The following SLC2A11 variants were observed in gnomAD, a reference collection of about 807,000 sequenced individuals.
SLC2A11 encodes the protein solute carrier family 2 member 11, also known as solute carrier family 2, facilitated glucose transporter member 11.
Under a neutral mutation model 52.1 loss-of-function variants are expected in SLC2A11, and 43 were observed. The ratio of observed to expected loss-of-function variants is 0.82; its 90% CI spans 0.65 to 1.06. The LOEUF (loss-of-function observed/expected upper bound fraction) is 1.06. SLC2A11 is among the 50% of genes least tolerant of loss of function. The pLI, the probability that SLC2A11 is intolerant of heterozygous loss-of-function variation, is 0.00. For missense variants in SLC2A11, 582 were observed against 654.2 expected, an observed-to-expected ratio of 0.89 and a Z score of 1.20; for synonymous variants, 261 against 277.6, an observed-to-expected ratio of 0.94 and a Z score of 0.59.
intron 2 of SLC2A11, among the ~76,000 whole-genome samples, chr22:23,864,608 T>C (rs1357295108): frequency 1.3e-5 from 2 of 151,806 alleles, no homozygotes; most frequent in African/African-American, 2.4e-5. Context: ...GGGTGATGCA[T>C]TGGTTTATTT....
chr22:23,861,290 CAAAAAAA>C lies in SLC2A11; in HGVS notation c.31-795_31-789del, dbSNP rs56138210. On this transcript the variant is annotated intron_variant, in intron 1 of 11. Transcript: ENST00000316185. ...ACTGCGCCAGGCCAAGACTCAGTCT[CAAAAAAA>C]AAAAAAAAAAAAAAAAAAGAAAATC... Among the ~76,000 whole-genome samples the C allele has an allele frequency of 9.9e-3, 352 of 35,604 alleles. 2 individuals carry two copies. The highest frequency in any genetic ancestry group is 0.034 in the African/African-American group (310 of 9,090). 23.4% of individuals were successfully genotyped at this position (35,604 alleles called of 152,430 possible). A position where few individuals can be genotyped will look rare whatever the true frequency, so the allele number is the denominator to read the frequency against.
At chr22:23,861,665 A>G (rs2032072912) in intron 1 of SLC2A11, among the ~76,000 whole-genome samples, 1 of 122,832 alleles carries the variant, frequency 8.1e-6, no homozygotes, top group Admixed American at 8.1e-5. Flanking sequence ...GGCTCAGCCC[A>G]GATTCCTGGA....
In SLC2A11 at chr22:23,868,593, G is replaced by A. The variant is rs1353487083; in HGVS notation, c.242G>A (p.Gly81Asp). ...ATCGTGTCTCTGTATCCCCTGGGAG[G>A]CCTCTTTGGAGCACTGCTTGCAGGT... ...SLIVSLYPLG[G>D]LFGALLAGPL... The change falls in exon 3 of 12, where the codon GGC (glycine) becomes GAC (aspartate). Residue 81 changes from glycine (G) to aspartate (D), a missense_variant. Physicochemically the swap from Gly to Asp is moderately conservative, Grantham distance 94. Transcript: ENST00000316185. The A allele has an allele frequency of 6.2e-7, 1 of 1,614,206 alleles. No individual in the cohort carries two copies. Among genetic ancestry groups the A allele is most frequent in the South Asian group, 1.1e-5 (1 of 91,086 alleles).
At chr22:23,882,699 G>C in intron 7 of SLC2A11, 53 bp downstream of exon 7, 1 of 1,606,070 alleles carries the variant, frequency 6.2e-7, no homozygotes, top group Non-Finnish European at 8.5e-7. Flanking sequence ...TGGTGTTGCA[G>C]GCCGCTGGGA....
rs759634530 is a variant in SLC2A11, at chr22:23,884,064, TAGA to T, written c.1171+43_1171+45del. On this transcript the variant is annotated intron_variant, in intron 10 of 11. Coordinates refer to ENST00000316185, the MANE Select transcript of SLC2A11 (RefSeq NM_001024939.4). The surrounding 1 kb of genome is among the most constrained non-coding windows in gnomAD (Gnocchi z 4.3). ...GGGGCTCTGGGCATCCATCATCACA[TAGA>T]AGGAGTGATGGGTGCCTGGGTGCAC... 3.2e-5 allele frequency: 51 copies of T among 1,598,156 alleles called. No individual in the cohort carries two copies. Among genetic ancestry groups the T allele is most frequent in the African/African-American group, 1.3e-5 (1 of 74,196 alleles).
At chr22:23,874,265 A>G (rs898056293) in intron 3 of SLC2A11, among the ~76,000 whole-genome samples, 8 of 152,084 alleles carry the variant, frequency 5.3e-5, no homozygotes, top group Admixed American at 3.3e-4. Flanking sequence ...GTTTTATTGA[A>G]TCTGAGAAAT....
intron 2 of SLC2A11, among the ~76,000 whole-genome samples, chr22:23,862,572 T>G (rs1437080607): frequency 6.6e-6 from 1 of 152,008 alleles, no homozygotes; most frequent in East Asian, 1.9e-4. Flanking sequence ...CTGGCCTCCT[T>G]GCCTTCAGCC....
At chr22:23,859,878 A>C (rs1315679657) in intron 1 of SLC2A11, among the ~76,000 whole-genome samples, 2 of 152,336 alleles carry the variant, frequency 1.3e-5, no homozygotes, top group East Asian at 3.9e-4. Flanking sequence ...TCTGTCATGA[A>C]AATTGTATCA....
chr22:23,875,124 T>C lies in SLC2A11; in HGVS notation c.298T>C (p.Ser100Pro). The change falls in exon 4 of 12, where the codon TCC (serine) becomes CCC (proline). Residue 100 changes from serine (S) to proline (P), a missense_variant. Coordinates refer to ENST00000316185, the MANE Select transcript of SLC2A11 (RefSeq NM_001024939.4). ...TGTTTCACTTCCCCCAAGGAAGAAG[T>C]CCCTCCTGGTGAATAACATCTTTGT... ...PLAITLGRKK[S>P]LLVNNIFVVS... 6.3e-7 allele frequency: 1 copy of C among 1,580,482 alleles called. No homozygotes were observed. The highest frequency in any genetic ancestry group is 8.6e-7 in the Non-Finnish European group (1 of 1,163,238).
chr22:23,857,519 G>T, upstream of SLC2A11: 6 of 1,613,448 alleles, frequency 3.7e-6, no homozygotes, highest in Non-Finnish European at 5.1e-6. Flanking sequence ...CGTCCTTACG[G>T]CCTCGGACGC....
chr22:23,857,393 T>C, upstream of SLC2A11: 1 of 1,583,098 alleles, frequency 6.3e-7, no homozygotes, highest in Non-Finnish European at 8.6e-7. Flanking sequence ...GAGATGACCT[T>C]GGACCAGAGC....
chr22:23,874,212 G>A (rs540680423), intron 3 of SLC2A11, among the ~76,000 whole-genome samples: 52 of 152,220 alleles, frequency 3.4e-4, no homozygotes, highest in African/African-American at 1.0e-3. Flanking sequence ...CTATCTATAC[G>A]TCTCTTCCTT....
At chr22:23,867,720 C>T in intron 2 of SLC2A11, 1 of 470,654 alleles carries the variant, frequency 2.1e-6, no homozygotes, top group Non-Finnish European at 4.4e-6. Flanking sequence ...TCTATAAAAA[C>T]TCTTGAATGA....
chr22:23,875,069 C>G (rs774485471), intron 3 of SLC2A11, 48 bp from the exon 4 acceptor site: 1 of 1,490,852 alleles, frequency 6.7e-7, no homozygotes, highest in African/African-American at 1.4e-5. Context: ...GATGGTCCCG[C>G]TGGACTGAAT....
rs767333658 is a variant in SLC2A11, at chr22:23,884,254, G to A, written c.1172-48G>A. The A allele has an allele frequency of 1.9e-6, 3 of 1,584,840 alleles. No homozygotes were observed. The highest frequency in any genetic ancestry group is 8.6e-7 in the Non-Finnish European group (1 of 1,164,410). ...TCTGGGCTGGGGTCGGGGAGAGGCA[G>A]GCAGGGAACCCTGGCCAGCAGCCCC... On this transcript the variant is annotated intron_variant, in intron 10 of 11. Transcript: ENST00000316185. This position sits in a 1 kb window ranked among gnomAD's most constrained non-coding sequence, Gnocchi z 4.3.
chr22:23,883,551 G>A lies in SLC2A11; in HGVS notation c.994-221G>A, dbSNP rs747269006. On this transcript the variant is annotated intron_variant, in intron 8 of 11. Coordinates refer to ENST00000316185, the MANE Select transcript of SLC2A11 (RefSeq NM_001024939.4). Reference sequence around the variant, plus strand: ...TAGAGAGCATCTATTGAGCATCTACGGTTTGCGGGTCACTTCCAGCACCAT... The same window carrying A: ...TAGAGAGCATCTATTGAGCATCTACAGTTTGCGGGTCACTTCCAGCACCAT... The A allele has an allele frequency of 1.0e-5, 5 of 501,032 alleles. 1 individual carries two copies. In the South Asian group the frequency reaches 1.1e-4, roughly 11 times the overall value. The allele number at this position is 501,032 out of a possible 1,614,324, so 31.0% of individuals were successfully genotyped here.
rs1211685990 is a variant in SLC2A11, at chr22:23,883,619, C to G, written c.994-153C>G. ...GGCTGAAGTTGGGTGATTGATTGAC[C>G]AAGTTCCTTTGGGAAATTAATAAAG... is the stretch of plus-strand genomic sequence containing the variant. On this transcript the variant is annotated intron_variant, in intron 8 of 11. Coordinates refer to ENST00000316185, the MANE Select transcript of SLC2A11 (RefSeq NM_001024939.4). 5 of 609,972 alleles carry G rather than the reference C, an allele frequency of 8.2e-6. No individual in the cohort carries two copies. In the East Asian group the frequency reaches 1.6e-4, roughly 20 times the overall value. The allele number at this position is 609,972 out of a possible 1,614,324, so 37.8% of individuals were successfully genotyped here.
Position 23,882,663 on chromosome 22 carries a change from G to A in SLC2A11, c.882+17G>A, listed in dbSNP as rs372026875. On this transcript the variant is annotated intron_variant, in intron 7 of 11. Coordinates refer to ENST00000316185, the MANE Select transcript of SLC2A11 (RefSeq NM_001024939.4). ...AATGACTCGGTGAGACCCCTGCCCCGCCGCACACCCTGGGCCCCGGGGGCT... is the reference window on the plus strand; with the variant it reads ...AATGACTCGGTGAGACCCCTGCCCCACCGCACACCCTGGGCCCCGGGGGCT... 4.2e-5 allele frequency: 68 copies of A among 1,607,830 alleles called. No homozygotes were observed. Among genetic ancestry groups the A allele is most frequent in the Non-Finnish European group, 5.1e-5 (60 of 1,176,556 alleles).
intron 3 of SLC2A11, chr22:23,869,541 T>C (rs1398533865): frequency 6.2e-6 from 1 of 161,044 alleles, no homozygotes; most frequent in Non-Finnish European, 1.3e-5. Flanking sequence ...ACTCAGCTAC[T>C]CGGGAGGTTG....
Sources: gnomAD v4.1 joint callset for allele counts (sites outside exome capture counted in the v4.1 genomes callset) on GRCh38, gnomAD v4.1.1 for gene constraint, Gnocchi (gnomAD v3.1) non-coding constraint, MANE v1.5 for transcripts, NCBI Gene and HGNC (gene_info 2026-07-23, HGNC 2026-07-21) for gene names.